Variants in DIS3L2 observed in about 807,000 individuals in gnomAD.
DIS3L2 encodes DIS3-like exonuclease 2.
DIS3L2 carries 34 observed loss-of-function variants against 97.5 expected under a neutral mutation model. The observed-to-expected ratio is 0.35, with a 90% CI of 0.27 to 0.46. The LOEUF is 0.46. Among genes scored for constraint, DIS3L2 ranks in the 20% least tolerant of loss-of-function variants. DIS3L2 has a pLI of 1.00. For missense variants in DIS3L2, 1,038 were observed against 1,146.0 expected (o/e 0.91, Z 1.36); for synonymous variants, 435 against 445.2 (o/e 0.98, Z 0.29).
chr2:232,074,467 A>G (rs1696125169), intron 5 of DIS3L2, among the ~76,000 whole-genome samples: 1 of 152,088 alleles, frequency 6.6e-6, no homozygotes, highest in Non-Finnish European at 1.5e-5. Flanking sequence ...GCCATGGATC[A>G]TGGGAGACTC....
chr2:232,214,824 G>A (rs1475725740), intron 10 of DIS3L2, among the ~76,000 whole-genome samples: 2 of 152,156 alleles, frequency 1.3e-5, no homozygotes, highest in African/African-American at 2.4e-5. Context: ...TTCGCTTTTC[G>A]TTGATTCAGG....
intron 8 of DIS3L2, among the ~76,000 whole-genome samples, chr2:232,146,106 C>T (rs547297300): frequency 6.6e-6 from 1 of 152,106 alleles, no homozygotes; most frequent in Admixed American, 6.5e-5. Flanking sequence ...GCTTTGTGGG[C>T]CTAGTTCAAC....
intron 6 of DIS3L2, among the ~76,000 whole-genome samples, chr2:232,096,638 G>C (rs1444760895): frequency 6.6e-6 from 1 of 151,838 alleles, no homozygotes; most frequent in South Asian, 2.1e-4. Context: ...TCTCTTATGT[G>C]TATTTTCAAA....
intron 5 of DIS3L2, among the ~76,000 whole-genome samples, chr2:232,070,621 G>A (rs1223078985): frequency 6.7e-6 from 1 of 148,206 alleles, no homozygotes; most frequent in Non-Finnish European, 1.5e-5. Flanking sequence ...GTCTCACTCT[G>A]TCGCCCAGGC....
At chr2:232,267,162 G>A (rs1424585713) in intron 13 of DIS3L2, among the ~76,000 whole-genome samples, 1 of 152,162 alleles carries the variant, frequency 6.6e-6, no homozygotes, top group Non-Finnish European at 1.5e-5. Context: ...CACCTAGTCT[G>A]GCCCCAGTTC....
At chr2:232,139,749 G>C (rs1698459821) in intron 8 of DIS3L2, among the ~76,000 whole-genome samples, 1 of 152,186 alleles carries the variant, frequency 6.6e-6, no homozygotes, top group Non-Finnish European at 1.5e-5. Context: ...CACTCTGACT[G>C]AGAGTAAAGA....
rs909044226 is a variant in DIS3L2, at chr2:232,037,865, C to G, written c.366+7785C>G. On this transcript the variant is annotated intron_variant, in intron 5 of 20. Transcript: ENST00000325385. The surrounding 1 kb of genome is among the most constrained non-coding windows in gnomAD (Gnocchi z 4.6). ...TTGGCTTGCCCTCCGTGGGCTGCAC[C>G]CACTGGCTAACCAGTCCCAGTGAGA... Among the ~76,000 whole-genome samples the G allele has an allele frequency of 2.0e-5, 3 of 152,192 alleles. No individual in the cohort carries two copies. The highest frequency in any genetic ancestry group is 4.4e-5 in the Non-Finnish European group (3 of 68,034).
chr2:232,339,817 C>T (rs552932731), downstream of DIS3L2: 440 of 432,654 alleles, frequency 1.0e-3, 1 homozygote, highest in Non-Finnish European at 1.5e-3. Flanking sequence ...CATAGAACTC[C>T]GTCTGGCTGG....
At chr2:232,004,209 A>T (rs1227045747) in intron 1 of DIS3L2, among the ~76,000 whole-genome samples, 1 of 152,036 alleles carries the variant, frequency 6.6e-6, no homozygotes, top group Non-Finnish European at 1.5e-5. Context: ...AGTAGCTGAG[A>T]TTACAGGCAT....
At chr2:232,139,091 G>A (rs1304943960) in intron 8 of DIS3L2, among the ~76,000 whole-genome samples, 1 of 152,166 alleles carries the variant, frequency 6.6e-6, no homozygotes, top group Non-Finnish European at 1.5e-5. Context: ...ATTCTAAGAA[G>A]TGTAATCCCA....
chr2:232,125,294 C>T (rs57978949), intron 6 of DIS3L2, among the ~76,000 whole-genome samples: 5,604 of 152,298 alleles, frequency 0.037, 151 homozygotes, highest in African/African-American at 0.064. Flanking sequence ...AACATAGGAG[C>T]GAGCTCCCTG....
intron 14 of DIS3L2, among the ~76,000 whole-genome samples, chr2:232,319,998 A>G (rs1269468637): frequency 6.6e-6 from 1 of 152,204 alleles, no homozygotes; most frequent in Non-Finnish European, 1.5e-5. Context: ...GTGCGAGAGC[A>G]CTCAGCAGTC....
chr2:232,137,076 A>T (rs1309029224), intron 8 of DIS3L2, among the ~76,000 whole-genome samples: 1 of 152,224 alleles, frequency 6.6e-6, no homozygotes, highest in African/African-American at 2.4e-5. Flanking sequence ...GTGTTAAACC[A>T]TGCAAAGTCT....
At chr2:232,059,260 GA>G (rs1173730309) in intron 5 of DIS3L2, among the ~76,000 whole-genome samples, 4 of 152,156 alleles carry the variant, frequency 2.6e-5, no homozygotes, top group African/African-American at 9.6e-5. Flanking sequence ...TCAAAGTAGG[GA>G]AAAGATGAAA....
chr2:232,337,294 G>A (rs36006786), downstream of DIS3L2: 112,732 of 700,268 alleles, frequency 0.16, 10,249 homozygotes, highest in Middle Eastern at 0.19. Flanking sequence ...GCTCCGCAGG[G>A]CCTGGTGGGA....
intron 6 of DIS3L2, among the ~76,000 whole-genome samples, chr2:232,093,058 G>A (rs766358690): frequency 6.6e-6 from 1 of 152,156 alleles, no homozygotes; most frequent in Non-Finnish European, 1.5e-5. Flanking sequence ...GCTGAGATAT[G>A]TTCCTTCTGT....
intron 9 of DIS3L2, among the ~76,000 whole-genome samples, chr2:232,166,072 C>CAATCAATA (rs1690798426): frequency 2.2e-5 from 3 of 138,084 alleles, no homozygotes. Flanking sequence ...CCTGTCTCTA[C>CAATCAATA]AATAAATAAA....
At chr2:232,259,379 A>G (rs1693657789) in intron 12 of DIS3L2, among the ~76,000 whole-genome samples, 1 of 152,110 alleles carries the variant, frequency 6.6e-6, no homozygotes, top group Non-Finnish European at 1.5e-5. Context: ...AAGAGTGACA[A>G]GCTGCTGCTT....
At chr2:232,194,805 C>T (rs1691705295) in intron 9 of DIS3L2, among the ~76,000 whole-genome samples, 3 of 152,096 alleles carry the variant, frequency 2.0e-5, no homozygotes, top group Admixed American at 2.0e-4. Flanking sequence ...GGGTGACCCG[C>T]AACCTGGAAG....
Sources: gnomAD v4.1 joint callset for allele counts (sites outside exome capture counted in the v4.1 genomes callset) on GRCh38, gnomAD v4.1.1 for gene constraint, Gnocchi (gnomAD v3.1) non-coding constraint, MANE v1.5 for transcripts, NCBI Gene and HGNC (gene_info 2026-07-23, HGNC 2026-07-21) for gene names.